The following EVC2 variants were observed in gnomAD, a reference collection of about 807,000 sequenced individuals.
EVC2 encodes limbin.
A neutral mutation model predicts 149.3 loss-of-function variants in EVC2; 148 were observed. The observed-to-expected ratio is 0.99, with a 90% CI of 0.87 to 1.14. The LOEUF (loss-of-function observed/expected upper bound fraction) is 1.14, where lower values mean the gene tolerates loss of function less well. EVC2 is among the 50% of genes most tolerant of loss of function. EVC2 has a pLI of 0.00. For synonymous variants in EVC2, 776 were observed against 649.9 expected (o/e 1.19, Z -2.95); for missense variants, 1,854 against 1,627.3 (o/e 1.14, Z -2.40).
intron 21 of EVC2, chr4:5,543,299 G>A: frequency 2.5e-6 from 2 of 810,568 alleles, no homozygotes; most frequent in East Asian, 6.4e-5. Flanking sequence ...AAGCCGGCAG[G>A]AGCACTCCAT....
At chr4:5,652,636 C>T (rs1414249817) in intron 9 of EVC2, among the ~76,000 whole-genome samples, 2 of 152,122 alleles carry the variant, frequency 1.3e-5, no homozygotes, top group African/African-American at 4.8e-5. Flanking sequence ...TGGATAAAAA[C>T]CCCAGGGTGA....
intron 9 of EVC2, among the ~76,000 whole-genome samples, chr4:5,653,921 G>A (rs1260002974): frequency 6.6e-6 from 1 of 152,168 alleles, no homozygotes; most frequent in Non-Finnish European, 1.5e-5. Context: ...TGAAACGAGA[G>A]GCTGAAAACA....
At chr4:5,535,239 G>A in the EVC2 span, among the ~76,000 whole-genome samples, 3 of 152,074 alleles carry the variant, frequency 2.0e-5, no homozygotes, top group African/African-American at 4.8e-5. The surrounding 1 kb of genome is among the most constrained non-coding windows in gnomAD (Gnocchi z 4.7). Context: ...CTGGACCCCC[G>A]AACGTCAGCC....
intron 16 of EVC2, among the ~76,000 whole-genome samples, chr4:5,611,882 G>T (rs536165591): frequency 6.8e-4 from 104 of 152,276 alleles, no homozygotes; most frequent in African/African-American, 2.5e-3. Context: ...CTGAACTTTT[G>T]TTTCTCTGAT....
chr4:5,610,277 G>A (rs60284159), intron 16 of EVC2, among the ~76,000 whole-genome samples: 8,053 of 152,198 alleles, frequency 0.053, 671 homozygotes, highest in African/African-American at 0.18. Context: ...TCTATCGTAT[G>A]CATATATTAA....
At chr4:5,702,385 C>A (rs978025602) in intron 1 of EVC2, among the ~76,000 whole-genome samples, 6 of 152,200 alleles carry the variant, frequency 3.9e-5, no homozygotes, top group African/African-American at 1.4e-4. Context: ...TCTTGGTCTG[C>A]CTTATCCTGT....
At chr4:5,667,493 CT>C (rs1423323242) in intron 7 of EVC2, among the ~76,000 whole-genome samples, 5 of 152,170 alleles carry the variant, frequency 3.3e-5, no homozygotes, top group African/African-American at 1.2e-4. Context: ...AATCCTGCTC[CT>C]TTCTTTTTCC....
At position 5,700,709 on chromosome 4, in the gene EVC2, T is replaced by C. The variant is rs1254825593; in HGVS notation, c.229-3062A>G. ...ACCTCTCTGGGGACTCCAGCCACTC[T>C]GGGCAACCGCTCCCATAGGCACCAT... On this transcript the variant is annotated intron_variant, in intron 1 of 21. Coordinates refer to ENST00000344408, the MANE Select transcript of EVC2 (RefSeq NM_147127.5). Among the ~76,000 whole-genome samples, 3 of 152,302 alleles carry C rather than the reference T, an allele frequency of 2.0e-5. No homozygotes were observed. In the South Asian group the frequency reaches 6.2e-4, roughly 32 times the overall value.
chr4:5,596,841 G>A (rs1194616152), intron 16 of EVC2, among the ~76,000 whole-genome samples: 2 of 152,106 alleles, frequency 1.3e-5, no homozygotes, highest in Non-Finnish European at 2.9e-5. Flanking sequence ...GAAGAAAAGA[G>A]AGAAGAATCA....
At chr4:5,643,032 G>T (rs969367609) in intron 9 of EVC2, among the ~76,000 whole-genome samples, 1 of 152,172 alleles carries the variant, frequency 6.6e-6, no homozygotes, top group Non-Finnish European at 1.5e-5. Context: ...ATGTGTGTAT[G>T]TCTATCTAAC....
At chr4:5,603,270 T>C (rs953704743) in intron 16 of EVC2, among the ~76,000 whole-genome samples, 1 of 152,120 alleles carries the variant, frequency 6.6e-6, no homozygotes, top group Non-Finnish European at 1.5e-5. Flanking sequence ...ATGGAATGTC[T>C]CTCAAAATGG....
At chr4:5,551,013 A>T (rs1721725389) in intron 21 of EVC2, among the ~76,000 whole-genome samples, 1 of 152,212 alleles carries the variant, frequency 6.6e-6, no homozygotes, top group Non-Finnish European at 1.5e-5. Context: ...AATTGTATGG[A>T]AATGCCTGGA....
chr4:5,708,033 A>G (rs1722328360), intron 1 of EVC2: 1 of 393,548 alleles, frequency 2.5e-6, no homozygotes, highest in Non-Finnish European at 4.5e-6. Context: ...TAAAATGGAG[A>G]GCAGGATTCG....
At position 5,640,049 on chromosome 4, in the gene EVC2, G is replaced by A. The variant is rs1014116393; in HGVS notation, c.1470+465C>T. Among the ~76,000 whole-genome samples, 12 of 152,040 alleles carry A rather than the reference G, an allele frequency of 7.9e-5. No homozygotes were observed. The highest frequency in any genetic ancestry group is 1.9e-4 in the African/African-American group (8 of 41,390). On this transcript the variant is annotated intron_variant, in intron 10 of 21. Coordinates refer to ENST00000344408, the MANE Select transcript of EVC2 (RefSeq NM_147127.5). The surrounding 1 kb of genome is among the most constrained non-coding windows in gnomAD (Gnocchi z 4.6). ...AGTGATAATGGGCAGATGGGTGGACGGGTAGATGGAGGGGAAGCATGGGTG... is the reference window on the plus strand; with the variant it reads ...AGTGATAATGGGCAGATGGGTGGACAGGTAGATGGAGGGGAAGCATGGGTG...
chr4:5,635,315 C>T (rs1353523995), intron 10 of EVC2, among the ~76,000 whole-genome samples: 1 of 152,020 alleles, frequency 6.6e-6, no homozygotes, highest in African/African-American at 2.4e-5. Flanking sequence ...GGGATTACCA[C>T]ACCTGGCCAC....
At chr4:5,685,025 T>G (rs1720598012) in intron 6 of EVC2, among the ~76,000 whole-genome samples, 1 of 152,212 alleles carries the variant, frequency 6.6e-6, no homozygotes, top group Non-Finnish European at 1.5e-5. Context: ...GGTACTTTGT[T>G]ATGGTAGCCC....
In EVC2 at chr4:5,640,464, A is replaced by AATCCCTGAGAGAAAGG; in HGVS notation, c.1470+34_1470+49dup. The stretch of plus-strand genomic sequence containing the variant: ...TGAGTGGGTAGATGGATAAATGACA[A>AATCCCTGAGAGAAAGG]ATCCCTGAGAGAAAGGGAAGTGAAC... On this transcript the variant is annotated intron_variant, in intron 10 of 21. Coordinates refer to ENST00000344408, the MANE Select transcript of EVC2 (RefSeq NM_147127.5). This position sits in a 1 kb window ranked among gnomAD's most constrained non-coding sequence, Gnocchi z 4.6. The AATCCCTGAGAGAAAGG allele has an allele frequency of 6.2e-7, 1 of 1,608,976 alleles. No homozygotes were observed. The highest frequency in any genetic ancestry group is 1.3e-5 in the African/African-American group (1 of 74,870).
chr4:5,559,751 A>T (rs751020134), downstream of EVC2, among the ~76,000 whole-genome samples: 4 of 152,256 alleles, frequency 2.6e-5, no homozygotes, highest in Non-Finnish European at 5.9e-5. This position sits in a 1 kb window ranked among gnomAD's most constrained non-coding sequence, Gnocchi z 5.0. Flanking sequence ...AACTCAAAGT[A>T]TAAAATAAAT....
intron 16 of EVC2, among the ~76,000 whole-genome samples, chr4:5,605,874 C>G (rs1018694467): frequency 6.6e-6 from 1 of 152,204 alleles, no homozygotes; most frequent in East Asian, 1.9e-4. Context: ...ACATCTCCCC[C>G]TCAGGTCAAC....
Sources: allele counts gnomAD v4.1 joint callset (sites outside exome capture counted in the v4.1 genomes callset), GRCh38; gene constraint gnomAD v4.1.1; non-coding constraint Gnocchi (gnomAD v3.1); transcripts MANE v1.5; gene names NCBI Gene and HGNC (gene_info 2026-07-23, HGNC 2026-07-21).